The following TMEM131 variants were observed in gnomAD, a reference collection of about 807,000 sequenced individuals.
TMEM131 encodes the protein 2610524E03Rik.
Under a neutral mutation model 211.6 loss-of-function variants are expected in TMEM131, and 66 were observed. The ratio of observed to expected loss-of-function variants is 0.31; its 90% confidence interval spans 0.26 to 0.38. TMEM131 has a LOEUF of 0.38. Ranked by LOEUF, TMEM131 falls within the 10% of genes least tolerant of loss-of-function variation. The pLI is 1.00. For missense variants in TMEM131, 2,036 were observed against 2,299.3 expected (o/e 0.89, Z 2.34); for synonymous variants, 844 against 841.3 (o/e 1.00, Z -0.06).
chr2:97,983,749 TTG>T (rs1679905722), intron 1 of TMEM131, among the ~76,000 whole-genome samples: 1 of 152,222 alleles, frequency 6.6e-6, no homozygotes, highest in African/African-American at 2.4e-5. Flanking sequence ...ACAGTTTCTT[TTG>T]TCTTTTTTCA....
chr2:97,981,028 C>CAAAAAAAAAAAAAAAAAA lies in TMEM131; in HGVS notation c.187+14430_187+14447dup, dbSNP rs57606185. Among the ~76,000 whole-genome samples the CAAAAAAAAAAAAAAAAAA allele has an allele frequency of 2.1e-3, 78 of 37,978 alleles. 10 individuals are homozygous for CAAAAAAAAAAAAAAAAAA. The highest frequency in any genetic ancestry group is 2.5e-3 in the Non-Finnish European group (54 of 21,682). The allele number at this position is 37,978 out of a possible 152,430, so 24.9% of individuals were successfully genotyped here. A position where few individuals can be genotyped will look rare whatever the true frequency, so the allele number is the denominator to read the frequency against. Reference sequence around the variant, plus strand: ...TGCTGAAACTCACAGAACTACACACCAAAAAAAAAAAAAAAAAAAAAAAAA... The same window carrying CAAAAAAAAAAAAAAAAAA: ...TGCTGAAACTCACAGAACTACACACCAAAAAAAAAAAAAAAAAAAAAAAAAAAAAAAAAAAAAAAAAAA... On this transcript the variant is annotated intron_variant, in intron 1 of 40. Transcript: ENST00000186436.
intron 1 of TMEM131, among the ~76,000 whole-genome samples, chr2:97,957,986 A>G (rs1573615597): frequency 6.6e-6 from 1 of 152,320 alleles, no homozygotes; most frequent in Non-Finnish European, 1.5e-5. Flanking sequence ...GAAACCACCA[A>G]ATTCAGCCAC....
At chr2:97,995,350 G>A (rs924725450) in intron 1 of TMEM131, 126 bp downstream of exon 1, 2 of 976,550 alleles carry the variant, frequency 2.0e-6, no homozygotes, top group East Asian at 3.5e-5. Context: ...GGCTCGGGAC[G>A]GTACCCGACC....
intron 1 of TMEM131, among the ~76,000 whole-genome samples, chr2:97,929,893 T>G (rs2104451684): frequency 6.6e-6 from 1 of 151,914 alleles, no homozygotes; most frequent in South Asian, 2.1e-4. Flanking sequence ...AATATCAAGA[T>G]CAGAGCTAAT....
At chr2:97,933,179 C>G (rs913013769) in intron 1 of TMEM131, among the ~76,000 whole-genome samples, 1 of 152,150 alleles carries the variant, frequency 6.6e-6, no homozygotes, top group Non-Finnish European at 1.5e-5. Context: ...ATGTTTTCCA[C>G]GTTGAGTGAT....
At chr2:97,864,438 C>G (rs1674191226) in intron 4 of TMEM131, among the ~76,000 whole-genome samples, 1 of 152,024 alleles carries the variant, frequency 6.6e-6, no homozygotes, top group Non-Finnish European at 1.5e-5. Context: ...TCCCATTTAC[C>G]TTGATGTGAT....
In TMEM131 at chr2:97,980,162, CACT is replaced by C. The variant is rs201057776; in HGVS notation, c.187+15311_187+15313del. Among the ~76,000 whole-genome samples the C allele has an allele frequency of 6.9e-3, 1,048 of 152,226 alleles. 50 individuals carry two copies. Among genetic ancestry groups the C allele is most frequent in the Admixed American group, 0.061 (930 of 15,284 alleles). ...ACAATTACACAATCACATCAAAGAT[CACT>C]GATTGCAGATTACCATTACAGATTT... On this transcript the variant is annotated intron_variant, in intron 1 of 40. Coordinates refer to ENST00000186436, the MANE Select transcript of TMEM131 (RefSeq NM_015348.2).
In TMEM131 at chr2:97,931,659, C is replaced by T. The variant is rs75960547; in HGVS notation, c.188-4172G>A. Among the ~76,000 whole-genome samples the T allele has an allele frequency of 3.2e-3, 491 of 152,232 alleles. 6 individuals are homozygous for T. The East Asian group carries it at 0.04, about 13-fold the overall frequency. ...CCTAGGTTGTCATTGCATATCTTTA[C>T]CTTCTAGCCTTCACAATCTCCTCAC... is the stretch of plus-strand genomic sequence containing the variant. On this transcript the variant is annotated intron_variant, in intron 1 of 40. Coordinates refer to ENST00000186436, the MANE Select transcript of TMEM131 (RefSeq NM_015348.2).
chr2:97,781,235 C>T (rs552430429), intron 31 of TMEM131, among the ~76,000 whole-genome samples: 4 of 152,238 alleles, frequency 2.6e-5, no homozygotes, highest in Non-Finnish European at 5.9e-5. Context: ...CCTTGCACAG[C>T]GCCCAGCACG....
At chr2:97,869,863 C>T (rs183614604) in intron 4 of TMEM131, among the ~76,000 whole-genome samples, 197 of 152,334 alleles carry the variant, frequency 1.3e-3, no homozygotes, top group Non-Finnish European at 2.1e-3. Flanking sequence ...CATTATCTTA[C>T]AATTCTGTAA....
At chr2:97,867,013 G>A (rs886633258) in intron 4 of TMEM131, among the ~76,000 whole-genome samples, 6 of 152,202 alleles carry the variant, frequency 3.9e-5, no homozygotes, top group African/African-American at 1.4e-4. Flanking sequence ...AAAAAATTCA[G>A]ATTTTGGAGC....
chr2:97,779,076 G>A (rs1367747824), intron 31 of TMEM131, among the ~76,000 whole-genome samples: 1 of 152,182 alleles, frequency 6.6e-6, no homozygotes, highest in Non-Finnish European at 1.5e-5. Flanking sequence ...GACCCCTCAG[G>A]GTCTAGGCCC....
At chr2:97,904,107 C>T (rs535287415) in intron 3 of TMEM131, among the ~76,000 whole-genome samples, 22 of 152,010 alleles carry the variant, frequency 1.4e-4, no homozygotes, top group African/African-American at 4.8e-4. Flanking sequence ...ACCCTGGACC[C>T]CAAATTTTTT....
At chr2:97,853,679 A>G (rs1673722583) in intron 5 of TMEM131, among the ~76,000 whole-genome samples, 1 of 152,056 alleles carries the variant, frequency 6.6e-6, no homozygotes, top group Non-Finnish European at 1.5e-5. Flanking sequence ...GGAGGCTGGA[A>G]GAAGTTAATC....
chr2:97,964,306 G>C (rs1217810847), intron 1 of TMEM131, among the ~76,000 whole-genome samples: 1 of 152,184 alleles, frequency 6.6e-6, no homozygotes, highest in Non-Finnish European at 1.5e-5. Flanking sequence ...ATTCAAGGCT[G>C]GTCTCTAATC....
At chr2:97,946,832 T>C (rs920107083) in intron 1 of TMEM131, among the ~76,000 whole-genome samples, 9 of 151,898 alleles carry the variant, frequency 5.9e-5, no homozygotes, top group Non-Finnish European at 1.0e-4. Context: ...CTTGTCAAAA[T>C]TTCAGCAAAT....
In TMEM131 at chr2:97,868,820, G is replaced by A. The variant is rs893876562; in HGVS notation, c.360-9393C>T. On this transcript the variant is annotated intron_variant, in intron 4 of 40. Coordinates refer to ENST00000186436, the MANE Select transcript of TMEM131 (RefSeq NM_015348.2). ...CCTCAAACCAAGAAGCACTCAAATT[G>A]TTGAATTCCTCTTGCCTCCGTGGAG... is the stretch of plus-strand genomic sequence containing the variant. Among the ~76,000 whole-genome samples, 8 of 152,178 alleles carry A rather than the reference G, an allele frequency of 5.3e-5. No individual in the cohort carries two copies. The South Asian group carries it at 1.2e-3, about 24-fold the overall frequency.
At chr2:97,787,656 T>G (rs1680314927) in intron 31 of TMEM131, among the ~76,000 whole-genome samples, 1 of 150,446 alleles carries the variant, frequency 6.6e-6, no homozygotes, top group Non-Finnish European at 1.5e-5. Context: ...AAACTTAATA[T>G]GACTATATAT....
chr2:97,975,866 G>A (rs1232144870), intron 1 of TMEM131, among the ~76,000 whole-genome samples: 1 of 145,490 alleles, frequency 6.9e-6, no homozygotes, highest in Non-Finnish European at 1.5e-5. Flanking sequence ...AAAATTCTAA[G>A]TCTTAGCAAA....
Sources: gnomAD v4.1 joint callset for allele counts (sites outside exome capture counted in the v4.1 genomes callset) on GRCh38, gnomAD v4.1.1 for gene constraint, MANE v1.5 for transcripts, NCBI Gene and HGNC (gene_info 2026-07-23, HGNC 2026-07-21) for gene names.